FBXL18: variants seen among roughly 807,000 people sequenced by gnomAD.
The protein encoded by FBXL18 is F-box and leucine rich repeat protein 18.
A neutral mutation model predicts 46.0 loss-of-function variants in FBXL18; 36 were observed. The ratio of observed to expected loss-of-function variants is 0.78; its 90% CI spans 0.60 to 1.03. FBXL18 has a LOEUF of 1.03. Ranked by LOEUF, FBXL18 falls within the 50% of genes least tolerant of loss-of-function variation. The probability of loss-of-function intolerance (pLI) is 0.00; values close to 1 mark genes in which losing one functional copy is unlikely to be tolerated. For missense variants in FBXL18, 977 were observed against 1,004.1 expected, an observed-to-expected ratio of 0.97 and a Z score of 0.36; for synonymous variants, 557 against 465.3, an observed-to-expected ratio of 1.20 and a Z score of -2.54.
chr7:5,458,711 AT>A (rs1414195666), intron 4 of FBXL18, among the ~76,000 whole-genome samples: 1 of 151,702 alleles, frequency 6.6e-6, no homozygotes, highest in East Asian at 1.9e-4. Flanking sequence ...AAAAAAAAAA[AT>A]TAGCTGGGCG....
At chr7:5,490,940 C>T (rs1009467196) in intron 4 of FBXL18, among the ~76,000 whole-genome samples, 1 of 152,232 alleles carries the variant, frequency 6.6e-6, no homozygotes, top group Non-Finnish European at 1.5e-5. Flanking sequence ...GCCTGGGCAA[C>T]ACAGTGAGAC....
chr7:5,484,375 G>A (rs1783722338), intron 4 of FBXL18, among the ~76,000 whole-genome samples: 1 of 151,498 alleles, frequency 6.6e-6, no homozygotes, highest in African/African-American at 2.4e-5. Flanking sequence ...GAAGGCTGCG[G>A]CAGGAGAATG....
chr7:5,494,112 A>C (rs901967618), intron 3 of FBXL18, among the ~76,000 whole-genome samples: 2 of 151,976 alleles, frequency 1.3e-5, no homozygotes, highest in Non-Finnish European at 2.9e-5. Flanking sequence ...ATCTCTACTA[A>C]AAATACAAAA....
chr7:5,469,346 AGGT>A (rs1385940858), intron 4 of FBXL18, among the ~76,000 whole-genome samples: 2 of 152,192 alleles, frequency 1.3e-5, no homozygotes, highest in African/African-American at 4.8e-5. Context: ...CCGGAGGTGG[AGGT>A]TGCAGTGAGC....
intron 4 of FBXL18, among the ~76,000 whole-genome samples, chr7:5,484,327 C>T (rs971882735): frequency 5.3e-5 from 8 of 151,982 alleles, no homozygotes; most frequent in South Asian, 2.1e-4. Context: ...AAAAATTAGC[C>T]GGGCGTGGTG....
chr7:5,500,345 G>A (rs1456903304), intron 3 of FBXL18, 143 bp downstream of exon 3: 4 of 718,466 alleles, frequency 5.6e-6, no homozygotes, highest in Non-Finnish European at 9.0e-6. Flanking sequence ...CCAGAGCCCC[G>A]AGACCGACGT....
chr7:5,511,074 G>C (rs1784519029), intron 1 of FBXL18, among the ~76,000 whole-genome samples: 1 of 152,194 alleles, frequency 6.6e-6, no homozygotes, highest in Non-Finnish European at 1.5e-5. Context: ...GCCCAGGCTG[G>C]TCTCAAACTC....
chr7:5,485,434 C>A (rs13243500), intron 4 of FBXL18, among the ~76,000 whole-genome samples: 21,085 of 152,200 alleles, frequency 0.14, 1,569 homozygotes, highest in South Asian at 0.21. Context: ...TGGGTGTTCA[C>A]ACTCATTGGC....
chr7:5,464,961 G>C (rs929100092), intron 4 of FBXL18, among the ~76,000 whole-genome samples: 9 of 151,902 alleles, frequency 5.9e-5, no homozygotes, highest in African/African-American at 2.2e-4. Context: ...TACTCGGGAG[G>C]CTGAGGCAGG....
chr7:5,500,827 T>G lies in FBXL18; in HGVS notation c.1442A>C (p.Asn481Thr), dbSNP rs774400916. The change falls in exon 3 of 5, where the codon AAC (asparagine) becomes ACC (threonine). Residue 481 changes from asparagine to threonine, a missense_variant. Physicochemically the swap from Asn to Thr is moderately conservative, Grantham distance 65 (BLOSUM62 0). Coordinates refer to ENST00000382368, the MANE Select transcript of FBXL18 (RefSeq NM_024963.6). ...CTCGAGGTGTTCCAGGAAGGGCAGG[T>G]TCTTCAGCAGAGACCAGAACACGGA... ...PSSVFWSLLK[N>T]LPFLEHLELI... is the part of the protein sequence containing the mutation. 1 of 1,611,900 alleles carries G rather than the reference T, an allele frequency of 6.2e-7. No homozygotes were observed. The highest frequency in any genetic ancestry group is 1.7e-5 in the Admixed American group (1 of 59,918).
At chr7:5,471,102 G>A (rs1783420076), downstream of FBXL18, among the ~76,000 whole-genome samples, 1 of 152,206 alleles carries the variant, frequency 6.6e-6, no homozygotes, top group African/African-American at 2.4e-5. Context: ...CAAAGCAAGG[G>A]TCACGGCAAA....
At position 5,504,586 on chromosome 7, in the gene FBXL18, G is replaced by A. The variant is rs561331471; in HGVS notation, c.237+826C>T. Among the ~76,000 whole-genome samples the A allele has an allele frequency of 2.6e-4, 37 of 142,204 alleles. No homozygotes were observed. In the South Asian group the frequency reaches 6.6e-3, roughly 25 times the overall value. 93.3% of individuals were successfully genotyped at this position (142,204 alleles called of 152,430 possible). A position where few individuals can be genotyped will look rare whatever the true frequency, so the allele number is the denominator to read the frequency against. ...CTCCCAAAGTGCTGGGATTACAGGC[G>A]TGAACCACCGCACCTGGCCTTATTT... On this transcript the variant is annotated intron_variant, in intron 2 of 4. Coordinates refer to ENST00000382368, the MANE Select transcript of FBXL18 (RefSeq NM_024963.6).
At position 5,502,782 on chromosome 7, in the gene FBXL18, GGCACCATTGCACTCCAACCTGGTGACAGA is replaced by G. The variant is rs1187991087; in HGVS notation, c.238-780_238-752del. On this transcript the variant is annotated intron_variant, in intron 2 of 4. Coordinates refer to ENST00000382368, the MANE Select transcript of FBXL18 (RefSeq NM_024963.6). ...GGCAGAGGTTGCAGTGAGCCAAGAT[GGCACCATTGCACTCCAACCTGGTGACAGA>G]GCAAGACTCCATCTCAAAAAAGAAA... is the stretch of plus-strand genomic sequence containing the variant. 1.9e-4 allele frequency among the ~76,000 whole-genome samples: 28 copies of G among 150,992 alleles called. No homozygotes were observed. The South Asian group carries it at 3.6e-3, about 19-fold the overall frequency.
intron 4 of FBXL18, among the ~76,000 whole-genome samples, chr7:5,462,969 AATATATATAT>A (rs1405287211): frequency 0.014 from 214 of 15,668 alleles, 19 homozygotes; most frequent in African/African-American, 0.032. Context: ...AAAAAAAAAA[AATATATATAT>A]ATATATATAT....
intron 1 of FBXL18, among the ~76,000 whole-genome samples, chr7:5,512,385 C>T (rs79214666): frequency 2.0e-5 from 3 of 148,556 alleles, no homozygotes; most frequent in Non-Finnish European, 4.4e-5. Context: ...GAAGCCAAGG[C>T]GGGTGGATCA....
Position 5,501,265 on chromosome 7 carries a change from A to G in FBXL18, c.1004T>C (p.Val335Ala), listed in dbSNP as rs1405748141. The G allele has an allele frequency of 6.2e-7, 1 of 1,614,062 alleles. No individual in the cohort carries two copies. Among genetic ancestry groups the G allele is most frequent in the South Asian group, 1.1e-5 (1 of 91,082 alleles). ...CCGCAGGTCCTTCCCGCCGTTGATGACCTGCTGGATCAGATGGCCGCCTGA... is the reference window on the plus strand; with the variant it reads ...CCGCAGGTCCTTCCCGCCGTTGATGGCCTGCTGGATCAGATGGCCGCCTGA... ...TLSGGHLIQQ[V>A]INGGKDLRSL... The change falls in exon 3 of 5, where the codon GTC (valine) becomes GCC (alanine). Residue 335 changes from valine (V) to alanine (A), a missense_variant. By Grantham distance (64) the Val-to-Ala change is moderately conservative. Transcript: ENST00000382368.
chr7:5,460,459 T>C (rs1562670409), intron 4 of FBXL18, among the ~76,000 whole-genome samples: 1 of 152,126 alleles, frequency 6.6e-6, no homozygotes, highest in African/African-American at 2.4e-5. Context: ...ATAACTTTGT[T>C]ATTTTGTTTT....
intron 4 of FBXL18, chr7:5,490,218 G>A: frequency 7.5e-7 from 1 of 1,336,942 alleles, no homozygotes; most frequent in Non-Finnish European, 1.0e-6. Flanking sequence ...CCCACCTGCA[G>A]GGACACGAAC....
At position 5,500,952 on chromosome 7, in the gene FBXL18, C is replaced by T. The variant is rs781765035; in HGVS notation, c.1317G>A (p.Pro439=). Residue 439 remains proline, a synonymous_variant, in exon 3 of 5, where the codon CCG becomes CCA. Coordinates refer to ENST00000382368, the MANE Select transcript of FBXL18 (RefSeq NM_024963.6). The stretch of plus-strand genomic sequence containing the variant: ...AGCCGCGCGGCACTGCGTGCATGGC[C>T]GGCTGGGCGGGCGCGCGGTCGGCGC... ...APRADRAPAQ[P]AMHAVPRGFG... is the part of the protein sequence containing the mutation. 13 of 1,539,324 alleles carry T rather than the reference C, an allele frequency of 8.4e-6. No individual in the cohort carries two copies. The highest frequency in any genetic ancestry group is 2.1e-5 in the Admixed American group (1 of 46,550).
Sources: allele counts gnomAD v4.1 joint callset (sites outside exome capture counted in the v4.1 genomes callset), GRCh38; gene constraint gnomAD v4.1.1; transcripts MANE v1.5; gene names NCBI Gene and HGNC (gene_info 2026-07-23, HGNC 2026-07-21).